Variants in ICMT observed in about 807,000 individuals in gnomAD.
ICMT encodes isoprenylcysteine carboxyl methyltransferase.
Under a neutral mutation model 32.2 loss-of-function variants are expected in ICMT, and 10 were observed. That is an observed-to-expected ratio of 0.31 (90% CI 0.19 to 0.53). The LOEUF (loss-of-function observed/expected upper bound fraction) is 0.53. ICMT is among the 20% of genes least tolerant of loss of function. The probability of loss-of-function intolerance (pLI) is 0.96; values close to 1 mark genes in which losing one functional copy is unlikely to be tolerated. For missense variants in ICMT, 265 were observed against 356.9 expected (o/e 0.74, Z 2.07); for synonymous variants, 183 against 158.2 (o/e 1.16, Z -1.18).
intron 3 of ICMT, among the ~76,000 whole-genome samples, chr1:6,233,002 C>G (rs1221357467): frequency 6.6e-6 from 1 of 152,084 alleles, no homozygotes; most frequent in Admixed American, 6.6e-5. Flanking sequence ...GGATTACAGG[C>G]ATGTGCCACT....
chr1:6,233,528 C>T lies in ICMT; in HGVS notation c.400G>A (p.Val134Ile), dbSNP rs1181624337. Reference protein sequence around the residue: ...FLLNHSLEYTVAALSSWLEFT... With the variant: ...FLLNHSLEYTIAALSSWLEFT... The stretch of plus-strand genomic sequence containing the variant: ...TCTAACCAAGAAGAAAGAGCAGCTA[C>T]TGTATACTCCAGGCTGTGATTCAGG... Residue 134 changes from valine (V) to isoleucine (I), a missense_variant, in exon 3 of 5, where the codon GTA becomes ATA. Coordinates refer to ENST00000343813, the MANE Select transcript of ICMT (RefSeq NM_012405.4). 1 of 1,614,102 alleles carries T rather than the reference C, an allele frequency of 6.2e-7. No homozygotes were observed. The highest frequency in any genetic ancestry group is 2.2e-5 in the East Asian group (1 of 44,880).
In ICMT at chr1:6,225,077, C is replaced by G. The variant is rs1343181046; in HGVS notation, c.*3G>C. On this transcript the variant is annotated 3_prime_UTR_variant, in exon 5 of 5. Transcript: ENST00000343813. ...GCCCCAAGGTCACCGGGGCCACTGCCCGTCACAGGTCCACCTTGACCCCCT... is the reference window on the plus strand; with the variant it reads ...GCCCCAAGGTCACCGGGGCCACTGCGCGTCACAGGTCCACCTTGACCCCCT... The G allele has an allele frequency of 6.2e-7, 1 of 1,611,160 alleles. No individual in the cohort carries two copies. Among genetic ancestry groups the G allele is most frequent in the Non-Finnish European group, 8.5e-7 (1 of 1,178,364 alleles).
At chr1:6,235,419 G>A (rs182275511) in intron 1 of ICMT, among the ~76,000 whole-genome samples, 94 of 152,264 alleles carry the variant, frequency 6.2e-4, no homozygotes, top group Non-Finnish European at 2.6e-4. Flanking sequence ...CCTTTGACCT[G>A]AGACAGGGCA....
chr1:6,234,345 T>A (rs1460856022), intron 2 of ICMT: 11 of 393,090 alleles, frequency 2.8e-5, no homozygotes, highest in Non-Finnish European at 5.0e-5. Context: ...ACTGAAATAA[T>A]TCCGGCAAAG....
rs577306770 is a variant in ICMT, at chr1:6,226,840, AG to A, written c.673-1579del. On this transcript the variant is annotated intron_variant, in intron 4 of 4. Transcript: ENST00000343813. ...ATCCTCCTGCCTCAGCTTCCAGAGT[AG>A]GGGGAACTACAGGCATGTGCCACTA... Among the ~76,000 whole-genome samples the A allele has an allele frequency of 5.9e-5, 9 of 152,314 alleles. No individual in the cohort carries two copies. The South Asian group carries it at 1.9e-3, about 32-fold the overall frequency.
rs1430598441 is a variant in ICMT at position 6,224,213 on chromosome 1, C to G, written c.*867G>C. 1 of 152,190 alleles carries G rather than the reference C, an allele frequency of 6.6e-6. No homozygotes were observed. Among genetic ancestry groups the G allele is most frequent in the African/African-American group, 2.4e-5 (1 of 41,444 alleles). 9.4% of individuals were successfully genotyped at this position (152,190 alleles called of 1,614,324 possible). On this transcript the variant is annotated 3_prime_UTR_variant, in exon 5 of 5. Coordinates refer to ENST00000343813, the MANE Select transcript of ICMT (RefSeq NM_012405.4). ...AATCCCAAATAAACGGAGAGCAGCACTTCTCAATGTTTAAGGCCACGCACA... is the reference window on the plus strand; with the variant it reads ...AATCCCAAATAAACGGAGAGCAGCAGTTCTCAATGTTTAAGGCCACGCACA...
chr1:6,231,132 C>T (rs922118284), intron 4 of ICMT, among the ~76,000 whole-genome samples: 1 of 151,498 alleles, frequency 6.6e-6, no homozygotes, highest in Admixed American at 6.6e-5. Context: ...GATCGCACCA[C>T]TGCACTCTGG....
At position 6,234,912 on chromosome 1, in the gene ICMT, G is replaced by T; in HGVS notation, c.258C>A (p.Ser86Arg). 1 of 1,613,908 alleles carries T rather than the reference G, an allele frequency of 6.2e-7. No individual in the cohort carries two copies. The highest frequency in any genetic ancestry group is 8.5e-7 in the Non-Finnish European group (1 of 1,179,894). The part of the protein sequence containing the change: ...VFGCGTLLSF[S>R]QSSWSHFGWY... ...AGCCAAAGTGACTCCAAGAAGACTG[G>T]CTAAAACTTAGCAGCGTGCCGCAGC... Residue 86 changes from serine (S) to arginine (R), a missense_variant, in exon 2 of 5, where the codon AGC (serine) becomes AGA (arginine). Physicochemically the swap from Ser to Arg is moderately radical, Grantham distance 110 (BLOSUM62 -1). Coordinates refer to ENST00000343813, the MANE Select transcript of ICMT (RefSeq NM_012405.4).
At chr1:6,228,788 A>C (rs1668684246) in intron 4 of ICMT, among the ~76,000 whole-genome samples, 1 of 151,894 alleles carries the variant, frequency 6.6e-6, no homozygotes, top group African/African-American at 2.4e-5. Flanking sequence ...GCACTTTGGG[A>C]GGCTGAAGCG....
At position 6,235,892 on chromosome 1, in the gene ICMT, CGCGCCGCGCAGCCCGCCATG is replaced by C. The variant is rs1668819721; in HGVS notation, c.-1_19del. The C allele has an allele frequency of 8.8e-7, 1 of 1,130,710 alleles. No homozygotes were observed. Among genetic ancestry groups the C allele is most frequent in the South Asian group, 4.2e-5 (1 of 24,030 alleles). The allele number at this position is 1,130,710 out of a possible 1,614,324, so 70.0% of individuals were successfully genotyped here. ...ACGCGCCTCAGAGCCCGGCGGAGCC[CGCGCCGCGCAGCCCGCCATG>C]GCGCCGGGCGGCGGACTAGCGGGCG... On this transcript the variant is annotated start_lost and 5_prime_UTR_variant, in exon 1 of 5. Transcript: ENST00000343813.
At position 6,235,948 on chromosome 1, in the gene ICMT, C is replaced by CTGTAGCCCGGAGAAACGCGCCGGA; in HGVS notation, c.-38_-37insTCCGGCGCGTTTCTCCGGGCTACA. 1 of 1,068,358 alleles carries CTGTAGCCCGGAGAAACGCGCCGGA rather than the reference C, an allele frequency of 9.4e-7. No homozygotes were observed. Among genetic ancestry groups the CTGTAGCCCGGAGAAACGCGCCGGA allele is most frequent in the Non-Finnish European group, 1.1e-6 (1 of 877,352 alleles). The allele number at this position is 1,068,358 out of a possible 1,614,324, so 66.2% of individuals were successfully genotyped here. A position where few individuals can be genotyped will look rare whatever the true frequency, so the allele number is the denominator to read the frequency against. ...GCGGACTAGCGGGCGGCGGCGCCGG[C>CTGTAGCCCGGAGAAACGCGCCGGA]TGTAGCCCGGAGAAACGCGCCGGCT... is the stretch of plus-strand genomic sequence containing the variant. On this transcript the variant is annotated 5_prime_UTR_variant, in exon 1 of 5. Transcript: ENST00000343813.
At chr1:6,234,733 G>C (rs565651516) in intron 2 of ICMT, among the ~76,000 whole-genome samples, 153 bp downstream of exon 2, 1 of 151,898 alleles carries the variant, frequency 6.6e-6, no homozygotes, top group East Asian at 1.9e-4. Context: ...TGAAATGTGA[G>C]CAACTAGGGG....
chr1:6,234,257 C>T, intron 2 of ICMT: 1 of 349,264 alleles, frequency 2.9e-6, no homozygotes, highest in South Asian at 2.2e-5. Flanking sequence ...TTAAAAATGA[C>T]ACTACACACA....
intron 4 of ICMT, among the ~76,000 whole-genome samples, chr1:6,228,580 G>T (rs1437882190): frequency 6.6e-6 from 1 of 151,806 alleles, no homozygotes; most frequent in Non-Finnish European, 1.5e-5. Context: ...CTGACCTCAT[G>T]ATCTGCCTGC....
At chr1:6,230,586 TAAAA>T (rs34068915) in intron 4 of ICMT, among the ~76,000 whole-genome samples, 22 of 104,346 alleles carry the variant, frequency 2.1e-4, no homozygotes, top group Middle Eastern at 6.3e-3. Flanking sequence ...ATCCTGTCTT[TAAAA>T]AAAAAAAAAA....
intron 1 of ICMT, 99 bp downstream of exon 1, chr1:6,235,618 G>T: frequency 1.3e-6 from 1 of 793,424 alleles, no homozygotes; most frequent in African/African-American, 1.9e-5. Context: ...CGCGCGCGTG[G>T]GAGGCCACTG....
chr1:6,232,029 C>T lies in ICMT; in HGVS notation c.545G>A (p.Gly182Asp), dbSNP rs755961355. The T allele has an allele frequency of 3.1e-6, 5 of 1,614,118 alleles. No homozygotes were observed. The Admixed American group carries it at 8.3e-5, about 27-fold the overall frequency. The change falls in exon 4 of 5, where the codon GGC (glycine) becomes GAC (aspartate). Residue 182 changes from glycine (G) to aspartate (D), a missense_variant. By Grantham distance (94) the Gly-to-Asp change is moderately conservative. Coordinates refer to ENST00000343813, the MANE Select transcript of ICMT (RefSeq NM_012405.4). The part of the protein sequence containing the change: ...CLRKAAMFTA[G>D]SNFNHVVQNE... ...CTGTACCACGTGGTTGAAATTGGAG[C>T]CAGCTGTAAACATGGCCGCCTTCCT...
rs1668580954 is a variant in ICMT, at chr1:6,223,012, G to C, written c.*2068C>G. 1 of 152,260 alleles carries C rather than the reference G, an allele frequency of 6.6e-6. No homozygotes were observed. The highest frequency in any genetic ancestry group is 1.5e-5 in the Non-Finnish European group (1 of 68,062). The allele number at this position is 152,260 out of a possible 1,614,324, so 9.4% of individuals were successfully genotyped here. A position where few individuals can be genotyped will look rare whatever the true frequency, so the allele number is the denominator to read the frequency against. ...GTCCCACCGTGGATCCTTTACTCCA[G>C]AAAAATTGTAATGATGGCTCGGCCA... On this transcript the variant is annotated 3_prime_UTR_variant, in exon 5 of 5. Coordinates refer to ENST00000343813, the MANE Select transcript of ICMT (RefSeq NM_012405.4).
chr1:6,234,301 G>T, intron 2 of ICMT: 1 of 367,382 alleles, frequency 2.7e-6, no homozygotes. Flanking sequence ...ACAACATAAA[G>T]GAGTGATGTA....
Sources: allele counts gnomAD v4.1 joint callset (sites outside exome capture counted in the v4.1 genomes callset), GRCh38; gene constraint gnomAD v4.1.1; transcripts MANE v1.5; gene names NCBI Gene and HGNC (gene_info 2026-07-23, HGNC 2026-07-21).